The following CADM2 variants were observed in gnomAD, a reference collection of about 807,000 sequenced individuals.
CADM2 encodes the protein immunoglobulin superfamily member 4D.
In CADM2, 12 loss-of-function variants were observed where a neutral mutation model predicts 49.8. That is an observed-to-expected ratio of 0.24 (90% CI 0.15 to 0.39). CADM2 has a LOEUF of 0.39. Ranked by LOEUF, CADM2 falls within the 10% of genes least tolerant of loss-of-function variation. CADM2 has a pLI of 1.00. For synonymous variants in CADM2, 214 were observed against 175.4 expected (o/e 1.22, Z -1.74); for missense variants, 378 against 492.3 (o/e 0.77, Z 2.20).
chr3:85,226,065 GTTGTTGTTGTTT>G (rs1449920879), intron 1 of CADM2, among the ~76,000 whole-genome samples: 3 of 150,758 alleles, frequency 2.0e-5, no homozygotes, highest in Non-Finnish European at 3.0e-5. Context: ...AAATTTTGTT[GTTGTTGTTGTTT>G]TTGTTGTTGT....
chr3:85,564,225 A>G (rs2107195847), intron 1 of CADM2, among the ~76,000 whole-genome samples: 1 of 152,028 alleles, frequency 6.6e-6, no homozygotes, highest in South Asian at 2.1e-4. Flanking sequence ...GATAAAATAC[A>G]CGTAACATAA....
At chr3:85,800,436 A>G (rs2071936546) in intron 2 of CADM2, 2 of 138,814 alleles carry the variant, frequency 1.4e-5, no homozygotes, top group African/African-American at 3.6e-5. Context: ...GGGATACCAA[A>G]AACAAACAAA....
chr3:85,893,054 G>A (rs1049679122), intron 5 of CADM2, among the ~76,000 whole-genome samples: 4 of 152,192 alleles, frequency 2.6e-5, no homozygotes, highest in Admixed American at 2.6e-4. Flanking sequence ...TCCTTGCCAT[G>A]CAAAGAGATT....
At chr3:85,382,979 T>C (rs1287701575) in intron 1 of CADM2, among the ~76,000 whole-genome samples, 2 of 152,138 alleles carry the variant, frequency 1.3e-5, no homozygotes, top group Non-Finnish European at 2.9e-5. Flanking sequence ...AACCTAACTT[T>C]GCAGGTAGAC....
chr3:85,028,482 T>G (rs766705169), intron 1 of CADM2, among the ~76,000 whole-genome samples: 1 of 152,082 alleles, frequency 6.6e-6, no homozygotes, highest in Non-Finnish European at 1.5e-5. Context: ...AACTATGAAT[T>G]AAAAAAATTG....
intron 1 of CADM2, among the ~76,000 whole-genome samples, chr3:85,118,044 C>T (rs894842844): frequency 6.6e-6 from 1 of 152,020 alleles, no homozygotes; most frequent in Non-Finnish European, 1.5e-5. Flanking sequence ...GACTTCTCTT[C>T]GAACTCTTCC....
intron 2 of CADM2, among the ~76,000 whole-genome samples, chr3:85,733,342 G>A (rs1231035574): frequency 6.6e-6 from 1 of 152,174 alleles, no homozygotes; most frequent in Non-Finnish European, 1.5e-5. Context: ...CAAAATATAA[G>A]TAATTTTAGT....
chr3:85,890,143 G>C (rs1714228320), intron 5 of CADM2, among the ~76,000 whole-genome samples: 1 of 151,954 alleles, frequency 6.6e-6, no homozygotes, highest in Non-Finnish European at 1.5e-5. Context: ...AAAGGGTTTG[G>C]AGGACTTCAA....
intron 1 of CADM2, among the ~76,000 whole-genome samples, chr3:85,202,964 T>C (rs1285261135): frequency 2.6e-5 from 4 of 152,216 alleles, no homozygotes; most frequent in Non-Finnish European, 5.9e-5. Context: ...CAATCTCTGC[T>C]AGCTTCGAAC....
intron 1 of CADM2, among the ~76,000 whole-genome samples, chr3:85,092,219 T>A (rs1296556497): frequency 1.3e-5 from 2 of 152,194 alleles, no homozygotes; most frequent in East Asian, 3.8e-4. Context: ...CAGGAAAACC[T>A]TCCTAAGTTT....
chr3:85,682,658 A>C (rs1179223645), intron 1 of CADM2, among the ~76,000 whole-genome samples: 2 of 152,016 alleles, frequency 1.3e-5, no homozygotes, highest in Admixed American at 6.6e-5. Context: ...AAGAACACTA[A>C]ATTTTTCTAG....
chr3:86,013,564 G>A, intron 8 of CADM2: 1 of 1,602,768 alleles, frequency 6.2e-7, no homozygotes, highest in East Asian at 2.2e-5. Context: ...GTAGAGATCT[G>A]TGAGAGCTGT....
chr3:85,111,272 G>T (rs530296890), intron 1 of CADM2, among the ~76,000 whole-genome samples: 1 of 151,756 alleles, frequency 6.6e-6, no homozygotes, highest in Non-Finnish European at 1.5e-5. Context: ...TATATAACAT[G>T]GTCCAGAAGT....
At chr3:85,594,897 T>A (rs2029130) in intron 1 of CADM2, among the ~76,000 whole-genome samples, 77,981 of 151,850 alleles carry the variant, frequency 0.51, 23,052 homozygotes, top group East Asian at 0.85. Context: ...TCAGTTTTAA[T>A]GCAGCTTTTG....
chr3:85,145,338 G>A (rs1313910707), intron 1 of CADM2, among the ~76,000 whole-genome samples: 1 of 152,082 alleles, frequency 6.6e-6, no homozygotes, highest in Admixed American at 6.5e-5. Context: ...AAGCAACATA[G>A]TCTAATTCCA....
intron 8 of CADM2, among the ~76,000 whole-genome samples, chr3:86,020,007 A>G (rs146481652): frequency 1.6e-4 from 24 of 151,346 alleles, no homozygotes; most frequent in South Asian, 2.1e-4. Context: ...GAACTGAAGG[A>G]AATAGAGACA....
intron 1 of CADM2, among the ~76,000 whole-genome samples, chr3:85,563,584 A>C (rs1378961958): frequency 6.6e-6 from 1 of 152,150 alleles, no homozygotes; most frequent in Non-Finnish European, 1.5e-5. Flanking sequence ...AGAACTGTGA[A>C]CTATATCGAG....
At chr3:85,989,113 C>G (rs980901905) in intron 8 of CADM2, among the ~76,000 whole-genome samples, 5 of 152,096 alleles carry the variant, frequency 3.3e-5, no homozygotes, top group Non-Finnish European at 4.4e-5. Flanking sequence ...CCCCATTCCT[C>G]CACTCTGTTA....
intron 1 of CADM2, among the ~76,000 whole-genome samples, chr3:85,669,266 A>G (rs1489441260): frequency 1.3e-5 from 2 of 152,162 alleles, no homozygotes; most frequent in Admixed American, 6.6e-5. Flanking sequence ...TATTTGCAGC[A>G]GAAAGCACAT....
Sources: gnomAD v4.1 joint callset for allele counts (sites outside exome capture counted in the v4.1 genomes callset) on GRCh38, gnomAD v4.1.1 for gene constraint, MANE v1.5 for transcripts, NCBI Gene and HGNC (gene_info 2026-07-23, HGNC 2026-07-21) for gene names.